NUTM2E: variants seen among roughly 807,000 people sequenced by gnomAD.
NUTM2E encodes NUT family member 2E, also known as family with sequence similarity 22, member E.
A neutral mutation model predicts 26.1 loss-of-function variants in NUTM2E; 3 were observed. The ratio of observed to expected loss-of-function variants is 0.12; its 90% CI spans 0.05 to 0.30. NUTM2E has a LOEUF of 0.30. Ranked by LOEUF, NUTM2E falls within the 10% of genes least tolerant of loss-of-function variation. The pLI, the probability that NUTM2E is intolerant of heterozygous loss-of-function variation, is 1.00. For synonymous variants in NUTM2E, 13 were observed against 157.5 expected, an observed-to-expected ratio of 0.08 and a Z score of 6.87; for missense variants, 62 against 381.3, an observed-to-expected ratio of 0.16 and a Z score of 6.97.
rs390108 is a variant in NUTM2E, at chr10:79,849,332, G to A, written c.1735-39G>A. The A allele has an allele frequency of 8.5e-6, 5 of 585,188 alleles. 2 individuals are homozygous for A. The highest frequency in any genetic ancestry group is 1.0e-4 in the Admixed American group (2 of 19,836). The allele number at this position is 585,188 out of a possible 1,614,324, so 36.2% of individuals were successfully genotyped here. Reference sequence around the variant, plus strand: ...GGTGTCCTTGGCTCCAGGTTACTCCGTGCCCAGGAAGCTCACACCTTCTTC... The same window carrying A: ...GGTGTCCTTGGCTCCAGGTTACTCCATGCCCAGGAAGCTCACACCTTCTTC... On this transcript the variant is annotated intron_variant, in intron 8 of 9. Coordinates refer to ENST00000429984, the MANE Select transcript of NUTM2E (RefSeq NM_001355263.2).
intron 1 of NUTM2E, among the ~76,000 whole-genome samples, chr10:79,834,884 T>C (rs1240551658): frequency 6.6e-6 from 1 of 151,326 alleles, no homozygotes; most frequent in Non-Finnish European, 1.5e-5. Flanking sequence ...ATATATCAAA[T>C]CATACTTTTG....
In NUTM2E at chr10:79,827,014, C is replaced by CGCCTCGCCTT. The variant is rs1375651603; in HGVS notation, c.-3062_-3061insTGCCTCGCCT. On this transcript the variant is annotated 5_prime_UTR_variant, in exon 1 of 10. Transcript: ENST00000429984. ...CTAAGCACCCTCGCTCACGTCGCCT[C>CGCCTCGCCTT]GCCTCGCCTGACCGGCCGCAGCCTT... 1.4e-5 allele frequency: 2 copies of CGCCTCGCCTT among 140,530 alleles called. No homozygotes were observed. Among genetic ancestry groups the CGCCTCGCCTT allele is most frequent in the Non-Finnish European group, 3.1e-5 (2 of 63,930 alleles). 8.7% of individuals were successfully genotyped at this position (140,530 alleles called of 1,614,324 possible).
intron 1 of NUTM2E, among the ~76,000 whole-genome samples, chr10:79,834,659 C>T (rs1313664746): frequency 6.9e-6 from 1 of 144,362 alleles, no homozygotes; most frequent in Non-Finnish European, 1.5e-5. Flanking sequence ...CAGAGCGATG[C>T]TCCATCTTAA....
intron 1 of NUTM2E, among the ~76,000 whole-genome samples, chr10:79,834,593 G>A (rs1320547599): frequency 4.7e-5 from 7 of 150,170 alleles, no homozygotes; most frequent in Admixed American, 2.0e-4. Flanking sequence ...GCTTGAACCC[G>A]GGAGACAGAG....
At position 79,828,480 on chromosome 10, in the gene NUTM2E, C is replaced by T. The variant is rs1262565331; in HGVS notation, c.-2728+1123C>T. Among the ~76,000 whole-genome samples, 8 of 151,912 alleles carry T rather than the reference C, an allele frequency of 5.3e-5. No individual in the cohort carries two copies. In the East Asian group the frequency reaches 1.4e-3, roughly 26 times the overall value. On this transcript the variant is annotated intron_variant, in intron 1 of 9. Transcript: ENST00000429984. ...AAGTGTTTTTATATTGGTAGAATAC[C>T]TTCTGTCACACTCTATATTTTTCTT...
Position 79,835,452 on chromosome 10 carries a change from A to T in NUTM2E, c.-2727-2857A>T, listed in dbSNP as rs969813508. On this transcript the variant is annotated intron_variant, in intron 1 of 9. Coordinates refer to ENST00000429984, the MANE Select transcript of NUTM2E (RefSeq NM_001355263.2). ...CAAATTTAGCAATATTTGCATGACT[A>T]TTGGAGAACCAGACCACTTAACAGG... 5.2e-5 allele frequency among the ~76,000 whole-genome samples: 5 copies of T among 97,016 alleles called. No homozygotes were observed. The South Asian group carries it at 2.3e-3, about 44-fold the overall frequency. The allele number at this position is 97,016 out of a possible 152,430, so 63.6% of individuals were successfully genotyped here.
At chr10:79,836,056 C>T (rs867124274) in intron 1 of NUTM2E, among the ~76,000 whole-genome samples, 6 of 151,346 alleles carry the variant, frequency 4.0e-5, no homozygotes, top group Admixed American at 6.6e-5. Context: ...TTATGAAACA[C>T]ATTTGATTTA....
At chr10:79,834,008 A>G (rs1221899392) in intron 1 of NUTM2E, among the ~76,000 whole-genome samples, 1 of 151,978 alleles carries the variant, frequency 6.6e-6, no homozygotes, top group Admixed American at 6.6e-5. Context: ...TGGCACATAT[A>G]CACTGTGGAA....
chr10:79,828,010 G>C (rs1177295961), intron 1 of NUTM2E, among the ~76,000 whole-genome samples: 21 of 151,470 alleles, frequency 1.4e-4, no homozygotes, highest in African/African-American at 4.8e-4. Flanking sequence ...GGTCAGGCTG[G>C]TCGCAAACTC....
At chr10:79,827,606 A>G (rs990389288) in intron 1 of NUTM2E, 1 of 150,940 alleles carries the variant, frequency 6.6e-6, no homozygotes, top group African/African-American at 2.4e-5. Context: ...AAACATATAC[A>G]TCATCTTAAT....
At position 79,836,123 on chromosome 10, in the gene NUTM2E, A is replaced by G. The variant is rs546377254; in HGVS notation, c.-2727-2186A>G. Among the ~76,000 whole-genome samples the G allele has an allele frequency of 9.0e-3, 1,362 of 151,664 alleles. 33 individuals carry two copies. Among genetic ancestry groups the G allele is most frequent in the African/African-American group, 0.031 (1,301 of 41,426 alleles). On this transcript the variant is annotated intron_variant, in intron 1 of 9. Transcript: ENST00000429984. ...AGCTCTCTTGCGCAAGTGGAGAAATAGCATATGTATTTGGTACTAAGTTTC... is the reference window on the plus strand; with the variant it reads ...AGCTCTCTTGCGCAAGTGGAGAAATGGCATATGTATTTGGTACTAAGTTTC...
At chr10:79,831,081 A>G (rs1223714674) in intron 1 of NUTM2E, among the ~76,000 whole-genome samples, 1 of 151,808 alleles carries the variant, frequency 6.6e-6, no homozygotes, top group Non-Finnish European at 1.5e-5. Flanking sequence ...CCCTAAAAGC[A>G]TGGAACCTAT....
In NUTM2E at chr10:79,826,953, A is replaced by G. The variant is rs1271856311; in HGVS notation, c.-3132A>G. On this transcript the variant is annotated 5_prime_UTR_variant, in exon 1 of 10. Coordinates refer to ENST00000429984, the MANE Select transcript of NUTM2E (RefSeq NM_001355263.2). ...TTGCTGCCGGGCACCGTCGAGCGTT[A>G]GCCACCCAGCATTGAGCTGCCAGCG... 1 of 148,340 alleles carries G rather than the reference A, an allele frequency of 6.7e-6. No individual in the cohort carries two copies. The highest frequency in any genetic ancestry group is 2.5e-5 in the African/African-American group (1 of 40,386). The allele number at this position is 148,340 out of a possible 1,614,324, so 9.2% of individuals were successfully genotyped here. A position where few individuals can be genotyped will look rare whatever the true frequency, so the allele number is the denominator to read the frequency against.
chr10:79,832,844 A>C (rs1213477242), intron 1 of NUTM2E, among the ~76,000 whole-genome samples: 1 of 151,776 alleles, frequency 6.6e-6, no homozygotes, highest in Non-Finnish European at 1.5e-5. Flanking sequence ...AGATAAAGGA[A>C]ATAAGAATGA....
At position 79,841,008 on chromosome 10, in the gene NUTM2E, T is replaced by C. The variant is rs1420142699; in HGVS notation, c.-733T>C. On this transcript the variant is annotated 5_prime_UTR_variant, in exon 4 of 10. Transcript: ENST00000429984. The stretch of plus-strand genomic sequence containing the variant: ...CTCAGTGTGGAAATGAGAATGAAGC[T>C]TTTTTTAAAGACAGGCTACAATAAT... Among the ~76,000 whole-genome samples the C allele has an allele frequency of 7.4e-6, 1 of 135,938 alleles. No individual in the cohort carries two copies. The highest frequency in any genetic ancestry group is 2.7e-5 in the African/African-American group (1 of 36,452). The allele number at this position is 135,938 out of a possible 152,430, so 89.2% of individuals were successfully genotyped here.
At position 79,840,331 on chromosome 10, in the gene NUTM2E, A is replaced by T. The variant is rs906237672; in HGVS notation, c.-1410A>T. Among the ~76,000 whole-genome samples, 26 of 132,664 alleles carry T rather than the reference A, an allele frequency of 2.0e-4. No homozygotes were observed. Among genetic ancestry groups the T allele is most frequent in the Non-Finnish European group, 3.6e-4 (22 of 61,694 alleles). 87.0% of individuals were successfully genotyped at this position (132,664 alleles called of 152,430 possible). ...CCGTTGATCTTCTCAGCTAAGATGG[A>T]GGTAGAGTTGCACAGTGGAAGAGGG... On this transcript the variant is annotated 5_prime_UTR_variant, in exon 4 of 10. Transcript: ENST00000429984.
At chr10:79,839,142 C>T (rs879001490) in intron 3 of NUTM2E, among the ~76,000 whole-genome samples, 27 bp downstream of exon 3, 13 of 151,544 alleles carry the variant, frequency 8.6e-5, no homozygotes, top group Middle Eastern at 6.9e-3. Flanking sequence ...GTCCATGCAC[C>T]TAGGTAACAC....
chr10:79,829,535 A>G (rs1385763783), intron 1 of NUTM2E, among the ~76,000 whole-genome samples: 1 of 151,972 alleles, frequency 6.6e-6, no homozygotes, highest in African/African-American at 2.4e-5. Context: ...ACTGAACTAT[A>G]CCACACTTGC....
At chr10:79,834,172 C>T in intron 1 of NUTM2E, among the ~76,000 whole-genome samples, 1 of 150,468 alleles carries the variant, frequency 6.6e-6, no homozygotes, top group Non-Finnish European at 1.5e-5. Context: ...GACACGTGGG[C>T]ACATGGAGGG....
Sources: gnomAD v4.1 joint callset for allele counts (sites outside exome capture counted in the v4.1 genomes callset) on GRCh38, gnomAD v4.1.1 for gene constraint, MANE v1.5 for transcripts, NCBI Gene and HGNC (gene_info 2026-07-23, HGNC 2026-07-21) for gene names.